CENPP: variants seen among roughly 807,000 people sequenced by gnomAD.
The protein encoded by CENPP is centromere protein P.
Under a neutral mutation model 35.6 loss-of-function variants are expected in CENPP, and 24 were observed. That is an observed-to-expected ratio of 0.67 (90% CI 0.49 to 0.95). The LOEUF is 0.95. CENPP is among the 40% of genes least tolerant of loss of function. CENPP has a pLI of 0.00. For synonymous variants in CENPP, 120 were observed against 125.5 expected, an observed-to-expected ratio of 0.96 and a Z score of 0.29; for missense variants, 332 against 345.3, an observed-to-expected ratio of 0.96 and a Z score of 0.31.
chr9:92,516,072 T>TCCCCCCCCCCCCCCCC (rs76297691), intron 5 of CENPP, among the ~76,000 whole-genome samples: 3 of 139,692 alleles, frequency 2.1e-5, no homozygotes, highest in Admixed American at 7.0e-5. Context: ...TACTTTTTTT[T>TCCCCCCCCCCCCCCCC]CCCCCCCCCG....
intron 5 of CENPP, chr9:92,500,744 C>T: frequency 6.2e-7 from 1 of 1,610,766 alleles, no homozygotes; most frequent in African/African-American, 1.3e-5. Flanking sequence ...TGTTGTTGTT[C>T]AGCCTCAGAA....
chr9:92,550,930 C>A (rs1849573800), intron 5 of CENPP, among the ~76,000 whole-genome samples: 1 of 152,142 alleles, frequency 6.6e-6, no homozygotes, highest in Non-Finnish European at 1.5e-5. Flanking sequence ...AGGGCTCTTT[C>A]CCCAGCTCCA....
At chr9:92,396,939 G>A (rs1046737943) in intron 5 of CENPP, among the ~76,000 whole-genome samples, 1 of 152,024 alleles carries the variant, frequency 6.6e-6, no homozygotes, top group Non-Finnish European at 1.5e-5. Flanking sequence ...ACTTTTAGAG[G>A]CTGAGGCAGG....
intron 5 of CENPP, among the ~76,000 whole-genome samples, chr9:92,526,245 A>C (rs931252359): frequency 2.0e-5 from 3 of 152,194 alleles, no homozygotes; most frequent in African/African-American, 7.2e-5. Flanking sequence ...AATGTTTGAA[A>C]AGTTAAAAAA....
intron 5 of CENPP, among the ~76,000 whole-genome samples, chr9:92,598,937 A>C (rs950171476): frequency 6.6e-6 from 1 of 151,876 alleles, no homozygotes; most frequent in South Asian, 2.1e-4. Flanking sequence ...GTGAAACCCC[A>C]TCTCTACTAA....
At chr9:92,542,208 G>A (rs1424340394) in intron 5 of CENPP, among the ~76,000 whole-genome samples, 1 of 152,172 alleles carries the variant, frequency 6.6e-6, no homozygotes, top group Non-Finnish European at 1.5e-5. Flanking sequence ...CTTAAAGGGA[G>A]ATGTATTCTC....
intron 5 of CENPP, among the ~76,000 whole-genome samples, chr9:92,594,628 C>G (rs902844470): frequency 6.6e-6 from 1 of 152,030 alleles, no homozygotes; most frequent in South Asian, 2.1e-4. Context: ...CCTTAACCAT[C>G]AGCTCTTGAT....
At chr9:92,329,006 C>G (rs1840653560) in intron 1 of CENPP, among the ~76,000 whole-genome samples, 1 of 152,150 alleles carries the variant, frequency 6.6e-6, no homozygotes, top group South Asian at 2.1e-4. Context: ...TAAACACGAA[C>G]TCCCTACTAG....
intron 5 of CENPP, among the ~76,000 whole-genome samples, chr9:92,409,845 G>A (rs1843398859): frequency 6.6e-6 from 1 of 152,182 alleles, no homozygotes; most frequent in Non-Finnish European, 1.5e-5. Context: ...AGGTAACTGT[G>A]CAGTCTTGAT....
intron 5 of CENPP, among the ~76,000 whole-genome samples, chr9:92,422,030 AC>A (rs2130970874): frequency 6.6e-6 from 1 of 152,112 alleles, no homozygotes; most frequent in East Asian, 1.9e-4. Context: ...ATTTTATTGT[AC>A]TTATTATAGT....
chr9:92,487,136 C>A (rs1429174899), intron 5 of CENPP, among the ~76,000 whole-genome samples: 2 of 152,136 alleles, frequency 1.3e-5, no homozygotes, highest in Non-Finnish European at 2.9e-5. Context: ...GGAATCTGTA[C>A]AAGTAATGGT....
chr9:92,373,326 G>T (rs1012527470), intron 4 of CENPP, among the ~76,000 whole-genome samples: 1 of 151,974 alleles, frequency 6.6e-6, no homozygotes, highest in African/African-American at 2.4e-5. Context: ...CAGGTTTTGA[G>T]ATTCTTTCTT....
At chr9:92,453,939 T>TCA (rs1844795234) in intron 5 of CENPP, among the ~76,000 whole-genome samples, 2 of 151,898 alleles carry the variant, frequency 1.3e-5, no homozygotes, top group African/African-American at 2.4e-5. Flanking sequence ...GGACAATTTG[T>TCA]GGAAAGACCT....
chr9:92,418,985 A>C (rs945664796), intron 5 of CENPP, among the ~76,000 whole-genome samples: 1 of 152,142 alleles, frequency 6.6e-6, no homozygotes, highest in Non-Finnish European at 1.5e-5. Flanking sequence ...AGATACAAAA[A>C]TATTATTAAA....
intron 5 of CENPP, among the ~76,000 whole-genome samples, chr9:92,435,151 A>G (rs917843927): frequency 6.6e-6 from 1 of 152,208 alleles, no homozygotes; most frequent in Admixed American, 6.5e-5. Context: ...CTTATCAGGC[A>G]ATCTATGGTC....
intron 5 of CENPP, among the ~76,000 whole-genome samples, chr9:92,405,981 C>G (rs781400644): frequency 7.2e-5 from 11 of 152,172 alleles, no homozygotes; most frequent in Non-Finnish European, 1.5e-4. Flanking sequence ...AAGCAGCAAA[C>G]AAGCAACTAG....
intron 5 of CENPP, among the ~76,000 whole-genome samples, chr9:92,465,440 A>G (rs532530458): frequency 6.6e-6 from 1 of 152,332 alleles, no homozygotes; most frequent in East Asian, 1.9e-4. Flanking sequence ...AGTCAATTAG[A>G]AATTGTTGTT....
chr9:92,568,794 G>T (rs1179996050), intron 5 of CENPP, among the ~76,000 whole-genome samples: 1 of 152,142 alleles, frequency 6.6e-6, no homozygotes, highest in Non-Finnish European at 1.5e-5. Flanking sequence ...GTGTGAGATG[G>T]TATCTCACTG....
At chr9:92,467,739 C>G (rs777411846) in intron 5 of CENPP, among the ~76,000 whole-genome samples, 2 of 152,194 alleles carry the variant, frequency 1.3e-5, no homozygotes, top group African/African-American at 2.4e-5. Flanking sequence ...TCATCTCACT[C>G]TTGGCCCTTT....
Sources: allele counts gnomAD v4.1 joint callset (sites outside exome capture counted in the v4.1 genomes callset), GRCh38; gene constraint gnomAD v4.1.1; transcripts MANE v1.5; gene names NCBI Gene and HGNC (gene_info 2026-07-23, HGNC 2026-07-21).